The following CDH12 variants were observed in gnomAD, a reference collection of about 807,000 sequenced individuals.
CDH12 encodes the protein cadherin 12, also known as cadherin-12.
A neutral mutation model predicts 74.1 loss-of-function variants in CDH12; 41 were observed. The observed-to-expected ratio is 0.55, with a 90% CI of 0.43 to 0.72. The LOEUF (loss-of-function observed/expected upper bound fraction) is 0.72. Among genes scored for constraint, CDH12 ranks in the 30% least tolerant of loss-of-function variants. The pLI, the probability that CDH12 is intolerant of heterozygous loss-of-function variation, is 0.00. For missense variants in CDH12, 945 were observed against 977.2 expected, an observed-to-expected ratio of 0.97 and a Z score of 0.44; for synonymous variants, 399 against 355.0, an observed-to-expected ratio of 1.12 and a Z score of -1.39.
At chr5:22,556,075 A>C (rs1260203883) in intron 1 of CDH12, among the ~76,000 whole-genome samples, 2 of 152,046 alleles carry the variant, frequency 1.3e-5, no homozygotes, top group Non-Finnish European at 2.9e-5. Context: ...AAAAATTTCA[A>C]AGAATGAAAT....
At chr5:22,325,073 G>A (rs1435477652) in intron 3 of CDH12, among the ~76,000 whole-genome samples, 2 of 152,202 alleles carry the variant, frequency 1.3e-5, no homozygotes, top group Non-Finnish European at 2.9e-5. Flanking sequence ...TGCCTCAGCA[G>A]CAGAAATTAA....
At chr5:22,110,617 C>A (rs972355713) in intron 4 of CDH12, among the ~76,000 whole-genome samples, 5 of 151,982 alleles carry the variant, frequency 3.3e-5, no homozygotes, top group Non-Finnish European at 7.4e-5. Context: ...ATGGAGTAAT[C>A]AGTGTCATAC....
At chr5:21,961,738 T>G (rs1363089037) in intron 6 of CDH12, among the ~76,000 whole-genome samples, 1 of 152,178 alleles carries the variant, frequency 6.6e-6, no homozygotes, top group Non-Finnish European at 1.5e-5. Context: ...CAGATTCTTC[T>G]GCACAGCCTT....
intron 4 of CDH12, among the ~76,000 whole-genome samples, chr5:22,125,476 T>G (rs1292168819): frequency 2.0e-5 from 3 of 152,242 alleles, no homozygotes; most frequent in Non-Finnish European, 4.4e-5. Context: ...TTCCATGGTA[T>G]ATATGTGCCA....
chr5:22,425,378 C>T (rs1429116581), intron 2 of CDH12, among the ~76,000 whole-genome samples: 1 of 150,894 alleles, frequency 6.6e-6, no homozygotes, highest in Non-Finnish European at 1.5e-5. Flanking sequence ...AACGAGTGTA[C>T]TGTGTACTTA....
chr5:22,676,292 AATT>A (rs1741186452), intron 1 of CDH12, among the ~76,000 whole-genome samples: 1 of 152,166 alleles, frequency 6.6e-6, no homozygotes, highest in Non-Finnish European at 1.5e-5. Context: ...ATTGACAGGA[AATT>A]ATTAGTTTAC....
chr5:22,281,672 T>C (rs958973933), intron 3 of CDH12, among the ~76,000 whole-genome samples: 1 of 152,168 alleles, frequency 6.6e-6, no homozygotes, highest in Middle Eastern at 3.4e-3. Flanking sequence ...ACAAGGGATG[T>C]GAAGGACCTC....
chr5:22,808,385 C>G (rs1202212070), intron 1 of CDH12, among the ~76,000 whole-genome samples: 1 of 151,962 alleles, frequency 6.6e-6, no homozygotes, highest in Non-Finnish European at 1.5e-5. Context: ...TGAGTGATAC[C>G]CTTACAGTCC....
chr5:21,763,512 T>G (rs1266326562), intron 12 of CDH12, among the ~76,000 whole-genome samples: 1 of 152,124 alleles, frequency 6.6e-6, no homozygotes, highest in Non-Finnish European at 1.5e-5. Flanking sequence ...ATATCAAGAC[T>G]TATTTCAAGT....
At chr5:21,959,934 A>G (rs1223125850) in intron 6 of CDH12, among the ~76,000 whole-genome samples, 1 of 150,680 alleles carries the variant, frequency 6.6e-6, no homozygotes, top group South Asian at 2.1e-4. Flanking sequence ...CAAAAAAAAA[A>G]AAAAAAAAAA....
chr5:22,049,597 C>T (rs907878726), intron 5 of CDH12, among the ~76,000 whole-genome samples: 2 of 151,848 alleles, frequency 1.3e-5, no homozygotes, highest in East Asian at 1.9e-4. Context: ...CCAAACATAC[C>T]TAAAATTACT....
In CDH12 at chr5:21,896,788, CTATAGAT is replaced by C. The variant is rs544698958; in HGVS notation, c.527-42005_527-41999del. On this transcript the variant is annotated intron_variant, in intron 6 of 14. Coordinates refer to ENST00000382254, the MANE Select transcript of CDH12 (RefSeq NM_004061.5). Reference sequence around the variant, plus strand: ...TCCCAGATATTTCAGAAAAATGAGACTATAGATTGACGAAGTATTAAATCTGTGGTAG... The same window carrying C: ...TCCCAGATATTTCAGAAAAATGAGACTGACGAAGTATTAAATCTGTGGTAG... 1.3e-4 allele frequency among the ~76,000 whole-genome samples: 20 copies of C among 152,266 alleles called. No individual in the cohort carries two copies. The East Asian group carries it at 1.9e-3, about 15-fold the overall frequency.
intron 1 of CDH12, among the ~76,000 whole-genome samples, chr5:22,524,017 C>T (rs1478496202): frequency 2.7e-5 from 4 of 149,546 alleles, no homozygotes; most frequent in Non-Finnish European, 5.9e-5. Context: ...GGTTTCACTC[C>T]ATCACCCAGG....
chr5:22,124,333 C>T (rs1745714877), intron 4 of CDH12, among the ~76,000 whole-genome samples: 1 of 151,990 alleles, frequency 6.6e-6, no homozygotes, highest in African/African-American at 2.4e-5. Flanking sequence ...GCGTGTTAGC[C>T]AGGATGGTCT....
chr5:22,824,906 A>G (rs1466850181), intron 1 of CDH12, among the ~76,000 whole-genome samples: 1 of 151,748 alleles, frequency 6.6e-6, no homozygotes, highest in Non-Finnish European at 1.5e-5. Flanking sequence ...CAAAATTTAT[A>G]TATCTATAGA....
At chr5:22,147,587 C>G (rs1747279582) in intron 4 of CDH12, among the ~76,000 whole-genome samples, 1 of 127,460 alleles carries the variant, frequency 7.8e-6, no homozygotes, top group Non-Finnish European at 1.7e-5. Context: ...GGTAGTTTAT[C>G]TTAAAAAAAA....
At chr5:21,930,434 G>T (rs572873936) in intron 6 of CDH12, among the ~76,000 whole-genome samples, 29 of 152,198 alleles carry the variant, frequency 1.9e-4, no homozygotes, top group African/African-American at 7.0e-4. Context: ...ATCCATATTT[G>T]CCAGGGACAA....
At chr5:22,710,122 C>T (rs1213701946) in intron 1 of CDH12, among the ~76,000 whole-genome samples, 1 of 152,136 alleles carries the variant, frequency 6.6e-6, no homozygotes, top group Non-Finnish European at 1.5e-5. Context: ...CCTCTATTTC[C>T]TATAATTTAT....
At chr5:22,348,080 T>C (rs993639075) in intron 3 of CDH12, among the ~76,000 whole-genome samples, 1 of 152,194 alleles carries the variant, frequency 6.6e-6, no homozygotes, top group East Asian at 1.9e-4. Context: ...AAAGCTGTTA[T>C]TATGGAGAAG....
Sources: allele counts gnomAD v4.1 joint callset (sites outside exome capture counted in the v4.1 genomes callset), GRCh38; gene constraint gnomAD v4.1.1; transcripts MANE v1.5; gene names NCBI Gene and HGNC (gene_info 2026-07-23, HGNC 2026-07-21).